SOX5: variants seen among roughly 807,000 people sequenced by gnomAD.
The protein encoded by SOX5 is SRY-box transcription factor 5, also known as transcription factor SOX-5.
SOX5 carries 9 observed loss-of-function variants against 92.0 expected under a neutral mutation model. That is an observed-to-expected ratio of 0.10 (90% CI 0.06 to 0.17). The LOEUF is 0.17. Among genes scored for constraint, SOX5 ranks in the 10% least tolerant of loss-of-function variants. SOX5 has a pLI of 1.00. For missense variants in SOX5, 642 were observed against 944.5 expected (o/e 0.68, Z 4.20); for synonymous variants, 344 against 336.3 (o/e 1.02, Z -0.25).
At chr12:23,769,350 A>G (rs1304887125) in intron 3 of SOX5, among the ~76,000 whole-genome samples, 1 of 151,582 alleles carries the variant, frequency 6.6e-6, no homozygotes, top group Non-Finnish European at 1.5e-5. Context: ...GTGAAGTTTC[A>G]CAGCATGGAA....
At chr12:24,002,228 T>C (rs1479332746) in intron 4 of SOX5, among the ~76,000 whole-genome samples, 2 of 151,366 alleles carry the variant, frequency 1.3e-5, no homozygotes, top group Non-Finnish European at 2.9e-5. Context: ...ATCAGCAAAA[T>C]AGAGAATAGT....
At chr12:24,150,940 A>G (rs1424899089) in intron 4 of SOX5, among the ~76,000 whole-genome samples, 1 of 152,148 alleles carries the variant, frequency 6.6e-6, no homozygotes, top group South Asian at 2.1e-4. Context: ...GGAAAACATG[A>G]TCATTGCACA....
intron 7 of SOX5, among the ~76,000 whole-genome samples, chr12:23,661,341 A>G (rs192133191): frequency 6.6e-6 from 1 of 152,218 alleles, no homozygotes; most frequent in African/African-American, 2.4e-5. Context: ...TAAAATATGT[A>G]CTCTAAAGAA....
At chr12:23,944,642 G>A (rs1437404711) in intron 1 of SOX5, among the ~76,000 whole-genome samples, 1 of 152,056 alleles carries the variant, frequency 6.6e-6, no homozygotes, top group Non-Finnish European at 1.5e-5. Flanking sequence ...ACTTGATCCT[G>A]TTTATCTACA....
At chr12:23,863,689 A>G (rs1313866858) in intron 2 of SOX5, among the ~76,000 whole-genome samples, 2 of 151,962 alleles carry the variant, frequency 1.3e-5, no homozygotes, top group Non-Finnish European at 2.9e-5. Flanking sequence ...AACTTTCTAT[A>G]CTACTTATAA....
At position 24,376,689 on chromosome 12, in the gene SOX5, C is replaced by CTTT. The variant is rs1480014070; in HGVS notation, c.-250-8051_-250-8050insAAA. ...TCAGAATGATGCTATGGGAGAGATA[C>CTTT]CTTTTTTTTTTTTTTTTTTTTTTTT... On this transcript the variant is annotated intron_variant, in intron 1 of 4. Transcript: ENST00000446891. Among the ~76,000 whole-genome samples, 472 of 93,064 alleles carry CTTT rather than the reference C, an allele frequency of 5.1e-3. 43 individuals carry two copies. The highest frequency in any genetic ancestry group is 0.023 in the Middle Eastern group (3 of 130). The allele number at this position is 93,064 out of a possible 152,430, so 61.1% of individuals were successfully genotyped here. A position where few individuals can be genotyped will look rare whatever the true frequency, so the allele number is the denominator to read the frequency against.
intron 2 of SOX5, among the ~76,000 whole-genome samples, chr12:24,322,898 C>T (rs1268094296): frequency 6.6e-6 from 1 of 152,054 alleles, no homozygotes; most frequent in South Asian, 2.1e-4. Flanking sequence ...GTCATTATAA[C>T]CCCAAAGGTT....
chr12:23,747,669 T>C (rs2094035363), intron 4 of SOX5, among the ~76,000 whole-genome samples: 1 of 152,122 alleles, frequency 6.6e-6, no homozygotes, highest in South Asian at 2.1e-4. Flanking sequence ...CAGTTGACAT[T>C]TAGGCCAGAC....
chr12:23,670,090 T>C (rs1297966637), intron 6 of SOX5, among the ~76,000 whole-genome samples: 2 of 152,078 alleles, frequency 1.3e-5, no homozygotes, highest in African/African-American at 4.8e-5. Context: ...CAAAAATTAA[T>C]AAAATCATGA....
At chr12:24,439,470 C>T (rs1940085247) in intron 1 of SOX5, among the ~76,000 whole-genome samples, 1 of 152,200 alleles carries the variant, frequency 6.6e-6, no homozygotes, top group Non-Finnish European at 1.5e-5. Context: ...CTTCCTTTCC[C>T]AGTCTTCCCA....
chr12:24,074,737 A>C (rs2137498569), intron 4 of SOX5, among the ~76,000 whole-genome samples: 1 of 150,262 alleles, frequency 6.7e-6, no homozygotes, highest in African/African-American at 2.4e-5. Flanking sequence ...TTTTCATACC[A>C]CTCTTGAATT....
intron 3 of SOX5, among the ~76,000 whole-genome samples, chr12:24,235,826 C>T (rs992515493): frequency 1.3e-5 from 2 of 152,016 alleles, no homozygotes; most frequent in African/African-American, 4.8e-5. Context: ...CAAGACTTTC[C>T]TTTTAATTAG....
At chr12:23,559,114 C>G (rs1427397714) in intron 11 of SOX5, among the ~76,000 whole-genome samples, 1 of 152,130 alleles carries the variant, frequency 6.6e-6, no homozygotes, top group East Asian at 1.9e-4. Context: ...ATCAGGACAA[C>G]AAAAACTGAG....
chr12:23,759,031 ACACACAC>A, intron 3 of SOX5, among the ~76,000 whole-genome samples: 1 of 5,154 alleles, frequency 1.9e-4, no homozygotes, highest in Non-Finnish European at 8.7e-4. Context: ...ACACACACAG[ACACACAC>A]ACACACACAC....
At chr12:24,455,378 G>T (rs1287883703) in intron 1 of SOX5, among the ~76,000 whole-genome samples, 6 of 152,142 alleles carry the variant, frequency 3.9e-5, no homozygotes, top group Non-Finnish European at 8.8e-5. Context: ...GTCTCATACT[G>T]TATGTAAGCA....
chr12:24,122,242 C>T (rs1948702485), intron 4 of SOX5, among the ~76,000 whole-genome samples: 1 of 152,116 alleles, frequency 6.6e-6, no homozygotes, highest in Non-Finnish European at 1.5e-5. Flanking sequence ...TGAAACGTGG[C>T]CTTATCAGTA....
rs139202552 is a variant in SOX5, at chr12:24,344,389, G to A, written c.-174+24174C>T. Among the ~76,000 whole-genome samples, 410 of 151,344 alleles carry A rather than the reference G, an allele frequency of 2.7e-3. 2 individuals are homozygous for A. Among genetic ancestry groups the A allele is most frequent in the African/African-American group, 9.4e-3 (387 of 41,188 alleles). On this transcript the variant is annotated intron_variant, in intron 2 of 4. Coordinates refer to the SOX5 transcript ENST00000446891. ...CCATGGAGTGCTCTCATTGCTGCTTGGCCAGTTTGCGATTTGGTATCTGAC... is the reference window on the plus strand; with the variant it reads ...CCATGGAGTGCTCTCATTGCTGCTTAGCCAGTTTGCGATTTGGTATCTGAC...
intron 2 of SOX5, among the ~76,000 whole-genome samples, chr12:23,881,526 C>T (rs1318968593): frequency 6.6e-6 from 1 of 152,152 alleles, no homozygotes; most frequent in East Asian, 1.9e-4. Context: ...TTAGATAATC[C>T]ATTGATCCCA....
At chr12:24,395,343 G>C (rs1427573871) in intron 1 of SOX5, among the ~76,000 whole-genome samples, 1 of 152,120 alleles carries the variant, frequency 6.6e-6, no homozygotes, top group Non-Finnish European at 1.5e-5. Flanking sequence ...CTCAACCAGG[G>C]GAAATTTTGA....
Sources: allele counts gnomAD v4.1 joint callset (sites outside exome capture counted in the v4.1 genomes callset), GRCh38; gene constraint gnomAD v4.1.1; transcripts MANE v1.5; gene names NCBI Gene and HGNC (gene_info 2026-07-23, HGNC 2026-07-21).